TENM3: variants seen among roughly 807,000 people sequenced by gnomAD.
TENM3 encodes the protein teneurin transmembrane protein 3, also known as teneurin-3.
TENM3 carries 63 observed loss-of-function variants against 255.1 expected under a neutral mutation model. The observed-to-expected ratio is 0.25, with a 90% CI of 0.20 to 0.30. The LOEUF is 0.30. TENM3 is among the 10% of genes least tolerant of loss of function. The pLI is 1.00. For synonymous variants in TENM3, 1,306 were observed against 1,322.3 expected, an observed-to-expected ratio of 0.99 and a Z score of 0.27; for missense variants, 2,929 against 3,461.1, an observed-to-expected ratio of 0.85 and a Z score of 3.86.
At chr4:182,385,165 A>T (rs1767826696) in intron 3 of TENM3, among the ~76,000 whole-genome samples, 1 of 152,130 alleles carries the variant, frequency 6.6e-6, no homozygotes, top group Non-Finnish European at 1.5e-5. Context: ...AATTCATCCA[A>T]ACATTAAATG....
At chr4:182,508,465 C>T (rs1181377230) in intron 3 of TENM3, among the ~76,000 whole-genome samples, 1 of 151,936 alleles carries the variant, frequency 6.6e-6, no homozygotes, top group African/African-American at 2.4e-5. Flanking sequence ...GAGCATTTTG[C>T]AATAATTATC....
chr4:181,855,957 A>G, the TENM3 span, among the ~76,000 whole-genome samples: 3 of 145,914 alleles, frequency 2.1e-5, no homozygotes, highest in Admixed American at 1.4e-4. Context: ...GAAGGAAGGA[A>G]CAAAAGGAGG....
At chr4:182,349,351 A>C (rs1475565002) in intron 3 of TENM3, among the ~76,000 whole-genome samples, 1 of 152,206 alleles carries the variant, frequency 6.6e-6, no homozygotes, top group Non-Finnish European at 1.5e-5. Flanking sequence ...TTTCAAACAT[A>C]TGTCCATAGG....
Position 182,443,160 on chromosome 4 carries a change from G to A in TENM3, c.511+96231G>A, listed in dbSNP as rs574297809. ...TATCACACTTCCATTTCTTTATCTT[G>A]GACTGCCAAAGAATACATTCAAAAT... On this transcript the variant is annotated intron_variant, in intron 3 of 27. Coordinates refer to ENST00000511685, the MANE Select transcript of TENM3 (RefSeq NM_001080477.4). 4.2e-4 allele frequency among the ~76,000 whole-genome samples: 64 copies of A among 152,004 alleles called. No homozygotes were observed. The South Asian group carries it at 0.013, about 31-fold the overall frequency.
chr4:181,511,895 G>T, the TENM3 span, among the ~76,000 whole-genome samples: 2 of 152,058 alleles, frequency 1.3e-5, no homozygotes, highest in African/African-American at 4.8e-5. Context: ...CTACATTCCA[G>T]AGCTGCATGG....
intron 3 of TENM3, among the ~76,000 whole-genome samples, chr4:182,465,558 CG>C (rs1344364694): frequency 1.2e-4 from 18 of 151,892 alleles, no homozygotes; most frequent in African/African-American, 3.9e-4. Flanking sequence ...TTTTTTATAG[CG>C]GCCGGATCTA....
the TENM3 span, among the ~76,000 whole-genome samples, chr4:181,678,693 ATTAT>A: frequency 9.2e-5 from 14 of 151,972 alleles, no homozygotes; most frequent in Non-Finnish European, 4.4e-5. Context: ...AATTACCAAA[ATTAT>A]TTGTTAGGTT....
chr4:181,734,758 T>G, the TENM3 span, among the ~76,000 whole-genome samples: 1 of 152,262 alleles, frequency 6.6e-6, no homozygotes, highest in South Asian at 2.1e-4. Context: ...GATACAAGCC[T>G]TAGCTGTACC....
the TENM3 span, among the ~76,000 whole-genome samples, chr4:181,865,887 G>A: frequency 3.3e-5 from 5 of 152,126 alleles, no homozygotes; most frequent in Non-Finnish European, 5.9e-5. Flanking sequence ...ATCTATCTAT[G>A]AACAGAGAAA....
At chr4:181,938,334 T>A in the TENM3 span, among the ~76,000 whole-genome samples, 2 of 152,152 alleles carry the variant, frequency 1.3e-5, no homozygotes, top group Non-Finnish European at 2.9e-5. Flanking sequence ...TCTAACCACA[T>A]CTCTTACCAA....
the TENM3 span, among the ~76,000 whole-genome samples, chr4:182,008,766 G>A: frequency 2.0e-5 from 3 of 152,042 alleles, no homozygotes; most frequent in Admixed American, 6.5e-5. Flanking sequence ...GCCCTTGATG[G>A]AGAGATGTTG....
At chr4:182,562,874 G>C (rs1344446828) in intron 3 of TENM3, among the ~76,000 whole-genome samples, 1 of 152,078 alleles carries the variant, frequency 6.6e-6, no homozygotes, top group Non-Finnish European at 1.5e-5. Flanking sequence ...TGCTGGAAAA[G>C]TGAACTCTGA....
the TENM3 span, among the ~76,000 whole-genome samples, chr4:181,573,280 T>C: frequency 6.6e-6 from 1 of 152,218 alleles, no homozygotes; most frequent in Non-Finnish European, 1.5e-5. Context: ...CTGGATCATA[T>C]GGTAGTTCTA....
intron 1 of TENM3, among the ~76,000 whole-genome samples, chr4:182,291,054 C>G (rs1383043199): frequency 1.3e-5 from 2 of 152,096 alleles, no homozygotes; most frequent in Non-Finnish European, 2.9e-5. Flanking sequence ...TGCCTGACCT[C>G]AAGTGATCCT....
In TENM3 at chr4:182,731,948, A is replaced by AT. The variant is rs563700205; in HGVS notation, c.2967+815dup. Among the ~76,000 whole-genome samples the AT allele has an allele frequency of 4.3e-3, 653 of 151,806 alleles. 6 individuals are homozygous for AT. The highest frequency in any genetic ancestry group is 0.015 in the African/African-American group (622 of 41,400). On this transcript the variant is annotated intron_variant, in intron 16 of 27. Coordinates refer to ENST00000511685, the MANE Select transcript of TENM3 (RefSeq NM_001080477.4). ...AGGCGACTGCCACCAAGCCAAGCTA[A>AT]TTTTTTGTATTTTTAGTAGAGGCAG...
the TENM3 span, among the ~76,000 whole-genome samples, chr4:181,667,388 C>A: frequency 6.6e-6 from 1 of 152,178 alleles, no homozygotes; most frequent in Admixed American, 6.5e-5. Context: ...TTGTTTATAA[C>A]AATGGCTCGC....
At chr4:182,002,891 G>T in the TENM3 span, among the ~76,000 whole-genome samples, 4 of 151,870 alleles carry the variant, frequency 2.6e-5, no homozygotes, top group Non-Finnish European at 5.9e-5. Flanking sequence ...CCTAAAACAC[G>T]GCCTTTATAC....
At chr4:181,689,039 C>T in the TENM3 span, among the ~76,000 whole-genome samples, 1 of 152,178 alleles carries the variant, frequency 6.6e-6, no homozygotes, top group Non-Finnish European at 1.5e-5. Flanking sequence ...TTTATCTTTA[C>T]ATCCACATGT....
At chr4:182,237,896 G>A (rs1756992882) in intron 1 of TENM3, among the ~76,000 whole-genome samples, 1 of 152,188 alleles carries the variant, frequency 6.6e-6, no homozygotes, top group Non-Finnish European at 1.5e-5. Flanking sequence ...TTGTGGACCT[G>A]TAAAAGAATC....
Sources: gnomAD v4.1 joint callset for allele counts (sites outside exome capture counted in the v4.1 genomes callset) on GRCh38, gnomAD v4.1.1 for gene constraint, MANE v1.5 for transcripts, NCBI Gene and HGNC (gene_info 2026-07-23, HGNC 2026-07-21) for gene names.